The following GADL1 variants were observed in gnomAD, a reference collection of about 807,000 sequenced individuals.
GADL1 encodes the protein acidic amino acid decarboxylase GADL1.
A neutral mutation model predicts 69.5 loss-of-function variants in GADL1; 71 were observed. The ratio of observed to expected loss-of-function variants is 1.02; its 90% CI spans 0.84 to 1.25. The LOEUF (loss-of-function observed/expected upper bound fraction) is 1.25, where lower values mean the gene tolerates loss of function less well. Among genes scored for constraint, GADL1 ranks in the 50% most tolerant of loss-of-function variants. GADL1 has a pLI of 0.00. For synonymous variants in GADL1, 254 were observed against 214.4 expected (o/e 1.18, Z -1.62); for missense variants, 737 against 631.8 (o/e 1.17, Z -1.79).
intron 1 of GADL1, among the ~76,000 whole-genome samples, chr3:30,894,237 A>G (rs1362973936): frequency 6.6e-6 from 1 of 152,190 alleles, no homozygotes; most frequent in Non-Finnish European, 1.5e-5. Context: ...GAAAGAAGCA[A>G]AATCATCTTT....
At chr3:30,888,449 C>G (rs894039191) in intron 1 of GADL1, among the ~76,000 whole-genome samples, 3 of 152,098 alleles carry the variant, frequency 2.0e-5, no homozygotes, top group Admixed American at 2.0e-4. Context: ...TCCTCAGAAG[C>G]TCATAGTGAA....
intron 13 of GADL1, among the ~76,000 whole-genome samples, chr3:30,785,402 G>A (rs1418655448): frequency 2.4e-5 from 3 of 125,288 alleles, no homozygotes; most frequent in Non-Finnish European, 3.3e-5. Flanking sequence ...TTTTCCCCCC[G>A]AGACAGAGTT....
At chr3:30,790,046 A>C (rs1696881183) in intron 12 of GADL1, among the ~76,000 whole-genome samples, 1 of 152,226 alleles carries the variant, frequency 6.6e-6, no homozygotes, top group Non-Finnish European at 1.5e-5. Flanking sequence ...AAGAGGCCTA[A>C]CTTTGTCTGT....
chr3:30,789,404 A>T (rs1472271942), intron 12 of GADL1, among the ~76,000 whole-genome samples: 1 of 152,190 alleles, frequency 6.6e-6, no homozygotes, highest in Non-Finnish European at 1.5e-5. Context: ...GCTTTGTTCC[A>T]CTTAGAGTAC....
chr3:30,786,406 C>T lies in GADL1; in HGVS notation c.1251G>A (p.Arg417=), dbSNP rs150110767. 88 of 1,433,212 alleles carry T rather than the reference C, an allele frequency of 6.1e-5. 2 individuals carry two copies. The African/African-American group carries it at 1.1e-3, about 18-fold the overall frequency. 88.8% of individuals were successfully genotyped at this position (1,433,212 alleles called of 1,614,324 possible). ...ERVNRALALS[R]YLVDEIKKRE... Reference sequence around the variant, plus strand: ...TTTTCTTGATTTCATCTACTAGGTACCTAAAATTAAAAGTCACAATAATAT... The same window carrying T: ...TTTTCTTGATTTCATCTACTAGGTATCTAAAATTAAAAGTCACAATAATAT... Residue 417 remains arginine, a splice_region_variant and synonymous_variant, in exon 13 of 15, where the codon AGG becomes AGA. Transcript: ENST00000282538.
At chr3:30,780,241 G>A (rs879878687) in intron 13 of GADL1, among the ~76,000 whole-genome samples, 4 of 152,100 alleles carry the variant, frequency 2.6e-5, no homozygotes, top group Non-Finnish European at 5.9e-5. Context: ...CCCTGTAGAT[G>A]GCTTCCCTCA....
chr3:30,790,444 G>A (rs1696891379), intron 12 of GADL1, among the ~76,000 whole-genome samples: 2 of 152,130 alleles, frequency 1.3e-5, no homozygotes, highest in Non-Finnish European at 2.9e-5. Context: ...TGATAGACTT[G>A]CTCCATGCAG....
At chr3:30,785,414 C>T (rs1487564202) in intron 13 of GADL1, among the ~76,000 whole-genome samples, 5 of 145,762 alleles carry the variant, frequency 3.4e-5, no homozygotes, top group Non-Finnish European at 6.0e-5. Context: ...GACAGAGTTT[C>T]ACTCTTGTTG....
chr3:30,829,167 A>C (rs1697744362), intron 11 of GADL1, among the ~76,000 whole-genome samples: 1 of 151,894 alleles, frequency 6.6e-6, no homozygotes, highest in Admixed American at 6.6e-5. Context: ...CTCTGAAGTC[A>C]ACCTATTTAT....
At chr3:30,777,258 AAAAC>A (rs989121985) in intron 14 of GADL1, among the ~76,000 whole-genome samples, 31 of 152,282 alleles carry the variant, frequency 2.0e-4, no homozygotes, top group African/African-American at 7.2e-4. Context: ...TTTTAAAAAA[AAAAC>A]GTTTTCCCCC....
At position 30,791,302 on chromosome 3, in the gene GADL1, T is replaced by C. The variant is rs17026599; in HGVS notation, c.1251-4896A>G. On this transcript the variant is annotated intron_variant, in intron 12 of 14. Coordinates refer to ENST00000282538, the MANE Select transcript of GADL1 (RefSeq NM_207359.3). Reference sequence around the variant, plus strand: ...GGCAATCTGTTAACTCAAAAGCTTGTTATGATTTCATCCTGAACTGAGCCT... The same window carrying C: ...GGCAATCTGTTAACTCAAAAGCTTGCTATGATTTCATCCTGAACTGAGCCT... Among the ~76,000 whole-genome samples the C allele has an allele frequency of 0.016, 2,361 of 152,266 alleles. 274 individuals are homozygous for C. In the East Asian group the frequency reaches 0.32, roughly 20 times the overall value.
intron 14 of GADL1, among the ~76,000 whole-genome samples, chr3:30,754,077 C>A (rs9820573): frequency 0.43 from 64,767 of 152,088 alleles, 14,330 homozygotes; most frequent in African/African-American, 0.53. Flanking sequence ...CTAAATTAGT[C>A]ACACAGGCTT....
At chr3:30,893,873 C>A (rs569409139) in intron 1 of GADL1, among the ~76,000 whole-genome samples, 9 of 152,194 alleles carry the variant, frequency 5.9e-5, no homozygotes, top group East Asian at 3.9e-4. Context: ...CAGCACAATT[C>A]AAAAAAGTTA....
At chr3:30,789,144 TTAAA>T (rs1696861011) in intron 12 of GADL1, among the ~76,000 whole-genome samples, 1 of 152,256 alleles carries the variant, frequency 6.6e-6, no homozygotes, top group Admixed American at 6.5e-5. Flanking sequence ...AACACATTTC[TTAAA>T]TAAGACTTGA....
chr3:30,783,531 T>G (rs1286892405), intron 13 of GADL1, among the ~76,000 whole-genome samples: 4 of 152,168 alleles, frequency 2.6e-5, no homozygotes, highest in African/African-American at 9.7e-5. Context: ...TGACACATAC[T>G]CTCTCAAATA....
In GADL1 at chr3:30,854,806, G is replaced by C; in HGVS notation, c.338-17C>G. On this transcript the variant is annotated splice_polypyrimidine_tract_variant and intron_variant, in intron 3 of 14. Coordinates refer to ENST00000282538, the MANE Select transcript of GADL1 (RefSeq NM_207359.3). ...TTGGGTGGTCTGTAAATTTAAAATGGAGTATTCATCTATGCAGCAATAAAA... is the reference window on the plus strand; with the variant it reads ...TTGGGTGGTCTGTAAATTTAAAATGCAGTATTCATCTATGCAGCAATAAAA... The C allele has an allele frequency of 7.2e-7, 1 of 1,379,926 alleles. No homozygotes were observed. The allele number at this position is 1,379,926 out of a possible 1,614,324, so 85.5% of individuals were successfully genotyped here.
Position 30,842,123 on chromosome 3 carries a change from C to T in GADL1, c.786+2087G>A, listed in dbSNP as rs543357628. Among the ~76,000 whole-genome samples, 53 of 152,050 alleles carry T rather than the reference C, an allele frequency of 3.5e-4. No individual in the cohort carries two copies. The South Asian group carries it at 9.6e-3, about 27-fold the overall frequency. The stretch of plus-strand genomic sequence containing the variant: ...TAGATCAGAAAACATTTACATTTGA[C>T]GTATCAACCAAATGCAATTTGTGAA... On this transcript the variant is annotated intron_variant, in intron 8 of 14. Coordinates refer to ENST00000282538, the MANE Select transcript of GADL1 (RefSeq NM_207359.3).
At chr3:30,806,051 A>C (rs1428789335) in intron 11 of GADL1, among the ~76,000 whole-genome samples, 3 of 152,000 alleles carry the variant, frequency 2.0e-5, no homozygotes, top group Non-Finnish European at 2.9e-5. Context: ...GAACCGGTAC[A>C]GGTCTGTGGC....
At chr3:30,756,853 T>C (rs1159030271) in intron 14 of GADL1, among the ~76,000 whole-genome samples, 1 of 151,664 alleles carries the variant, frequency 6.6e-6, no homozygotes, top group African/African-American at 2.4e-5. Context: ...CCAGATTCAT[T>C]AGGAAAGATA....
Sources: gnomAD v4.1 joint callset for allele counts (sites outside exome capture counted in the v4.1 genomes callset) on GRCh38, gnomAD v4.1.1 for gene constraint, MANE v1.5 for transcripts, NCBI Gene and HGNC (gene_info 2026-07-23, HGNC 2026-07-21) for gene names.